The following ATP2B4 variants were observed in gnomAD, a reference collection of about 807,000 sequenced individuals.
ATP2B4 encodes ATPase plasma membrane Ca2+ transporting 4.
Under a neutral mutation model 110.3 loss-of-function variants are expected in ATP2B4, and 39 were observed. That is an observed-to-expected ratio of 0.35 (90% CI 0.27 to 0.46). The LOEUF (loss-of-function observed/expected upper bound fraction) is 0.46, where lower values mean the gene tolerates loss of function less well. Ranked by LOEUF, ATP2B4 falls within the 20% of genes least tolerant of loss-of-function variation. The pLI is 1.00. For synonymous variants in ATP2B4, 538 were observed against 571.7 expected (o/e 0.94, Z 0.84); for missense variants, 1,135 against 1,530.9 (o/e 0.74, Z 4.32).
At chr1:203,650,626 C>A (rs937971145) in intron 1 of ATP2B4, among the ~76,000 whole-genome samples, 1 of 152,194 alleles carries the variant, frequency 6.6e-6, no homozygotes, top group Non-Finnish European at 1.5e-5. Context: ...AGCTGCAGGT[C>A]CGAACTCGGC....
intron 1 of ATP2B4, chr1:203,657,809 C>G (rs763251154): frequency 2.0e-4 from 107 of 546,784 alleles, no homozygotes; most frequent in Non-Finnish European, 3.2e-4. Flanking sequence ...TGCGAAAACA[C>G]TCTCAATTTT....
chr1:203,642,121 G>C (rs945081636), intron 1 of ATP2B4, among the ~76,000 whole-genome samples: 1 of 151,636 alleles, frequency 6.6e-6, no homozygotes, highest in Non-Finnish European at 1.5e-5. Flanking sequence ...TCACTTTTTC[G>C]CCCAGGCTGG....
At chr1:203,685,440 G>A (rs6658130) in intron 2 of ATP2B4, among the ~76,000 whole-genome samples, 126,754 of 152,248 alleles carry the variant, frequency 0.83, 53,592 homozygotes, top group East Asian at 1. Flanking sequence ...TCCTATTTCT[G>A]AATCTTCCTC....
chr1:203,683,184 GGGCTT>G lies in ATP2B4; in HGVS notation c.-19_-15del. On this transcript the variant is annotated 5_prime_UTR_variant, in exon 2 of 21. Coordinates refer to ENST00000357681, the MANE Select transcript of ATP2B4 (RefSeq NM_001684.5). ...AAACGCTACATCTTCTCTGGTTGAG[GGGCTT>G]GGTAACAGCAGGCAAAATGACGAAC... The G allele has an allele frequency of 6.2e-7, 1 of 1,607,966 alleles. No homozygotes were observed. Among genetic ancestry groups the G allele is most frequent in the Non-Finnish European group, 8.5e-7 (1 of 1,176,252 alleles).
intron 1 of ATP2B4, among the ~76,000 whole-genome samples, chr1:203,656,504 T>C (rs377505810): frequency 3.2e-4 from 49 of 152,236 alleles, no homozygotes; most frequent in African/African-American, 1.1e-3. Context: ...AAGATTTCTC[T>C]AAGAGTTCTG....
rs914698049 is a variant in ATP2B4, at chr1:203,699,447, C to T, written c.392-13C>T. ...AGCCCTTCAGTGACTATTTCTCTCC[C>T]TTCCTGGGATAGTGTGTGGTCAAGT... On this transcript the variant is annotated splice_polypyrimidine_tract_variant and intron_variant, in intron 3 of 20. Coordinates refer to ENST00000357681, the MANE Select transcript of ATP2B4 (RefSeq NM_001684.5). The T allele has an allele frequency of 7.4e-6, 12 of 1,613,526 alleles. No homozygotes were observed. The highest frequency in any genetic ancestry group is 2.7e-5 in the African/African-American group (2 of 74,890).
chr1:203,692,123 G>A (rs957611855), intron 2 of ATP2B4, among the ~76,000 whole-genome samples: 8 of 151,150 alleles, frequency 5.3e-5, no homozygotes, highest in East Asian at 3.9e-4. Context: ...CTCATGATCC[G>A]CCCGCCTCGG....
chr1:203,657,952 C>G (rs916275848), intron 1 of ATP2B4, among the ~76,000 whole-genome samples: 1 of 152,022 alleles, frequency 6.6e-6, no homozygotes, highest in Non-Finnish European at 1.5e-5. Context: ...GATCCGCCCC[C>G]CTCAACCTCC....
chr1:203,634,822 C>G (rs1386920707), intron 1 of ATP2B4, among the ~76,000 whole-genome samples: 1 of 151,964 alleles, frequency 6.6e-6, no homozygotes, highest in Non-Finnish European at 1.5e-5. Flanking sequence ...TGCTATCATG[C>G]CTGGCTAATT....
At chr1:203,665,418 C>T (rs759323981) in intron 1 of ATP2B4, among the ~76,000 whole-genome samples, 7 of 152,168 alleles carry the variant, frequency 4.6e-5, no homozygotes, top group Admixed American at 6.5e-5. Flanking sequence ...GGCTAGCAGG[C>T]GTGGGAGATG....
chr1:203,628,579 G>GC (rs1663161694), intron 1 of ATP2B4, among the ~76,000 whole-genome samples: 1 of 152,222 alleles, frequency 6.6e-6, no homozygotes, highest in African/African-American at 2.4e-5. Flanking sequence ...ATTCTGCAGC[G>GC]CCCCCCTCCT....
chr1:203,739,082 A>G (rs1355039227), intron 20 of ATP2B4, among the ~76,000 whole-genome samples: 1 of 152,206 alleles, frequency 6.6e-6, no homozygotes, highest in South Asian at 2.1e-4. Context: ...CTAAACCTCA[A>G]TGCATAATTT....
rs767252454 is a variant in ATP2B4, at chr1:203,712,128, G to A, written c.2200G>A (p.Glu734Lys). The change falls in exon 13 of 21, where the codon GAG becomes AAG. Residue 734 changes from glutamate (E) to lysine (K), a missense_variant. Transcript: ENST00000357681. ...AGAATTCAACCGGCTCATCCGCAAC[G>A]AGAAAGGCGAGGTGGGTCCTGGCTA... ...GKEFNRLIRN[E>K]KGEVEQEKLD... The A allele has an allele frequency of 1.7e-5, 28 of 1,613,786 alleles. No individual in the cohort carries two copies. The Middle Eastern group carries it at 5.0e-4, about 29-fold the overall frequency.
At position 203,637,441 on chromosome 1, in the gene ATP2B4, A is replaced by G. The variant is rs565697319; in HGVS notation, c.-465+10222A>G. Among the ~76,000 whole-genome samples, 159 of 151,830 alleles carry G rather than the reference A, an allele frequency of 1.0e-3. 1 individual carries two copies. Among genetic ancestry groups the G allele is most frequent in the African/African-American group, 3.4e-3 (143 of 41,472 alleles). On this transcript the variant is annotated intron_variant, in intron 1 of 20. Transcript: ENST00000357681. ...ACAGAGCAAGACTCTGTCTCAAAAA[A>G]AAAAAAAAAAAAAGCCAATATACAA...
intron 2 of ATP2B4, among the ~76,000 whole-genome samples, chr1:203,689,248 A>T (rs1475173958): frequency 6.6e-6 from 1 of 152,182 alleles, no homozygotes; most frequent in Non-Finnish European, 1.5e-5. Flanking sequence ...TATTTTCCTT[A>T]GTCTCAATAC....
chr1:203,729,268 C>T lies in ATP2B4; in HGVS notation c.3309+1697C>T, dbSNP rs192330892. On this transcript the variant is annotated intron_variant, in intron 20 of 20. Transcript: ENST00000357681. ...ACAAATAGAAAAGTGGAAAAGAGGC[C>T]GGGTGCGGTGGCTCACGCCTGTAAT... Among the ~76,000 whole-genome samples, 11 of 151,958 alleles carry T rather than the reference C, an allele frequency of 7.2e-5. No homozygotes were observed. The East Asian group carries it at 1.9e-3, about 27-fold the overall frequency.
rs533405354 is a variant in ATP2B4 at position 203,707,734 on chromosome 1, A to G, written c.1315-128A>G. 7 of 1,256,126 alleles carry G rather than the reference A, an allele frequency of 5.6e-6. No homozygotes were observed. The Admixed American group carries it at 7.7e-5, about 14-fold the overall frequency. 77.8% of individuals were successfully genotyped at this position (1,256,126 alleles called of 1,614,324 possible). A position where few individuals can be genotyped will look rare whatever the true frequency, so the allele number is the denominator to read the frequency against. On this transcript the variant is annotated intron_variant, in intron 9 of 20. Transcript: ENST00000357681. ...GCATGAATCACTGCACCCAGTCAGTATCTTGGATTTTTGTGTGGGACTGGA... is the reference window on the plus strand; with the variant it reads ...GCATGAATCACTGCACCCAGTCAGTGTCTTGGATTTTTGTGTGGGACTGGA...
In ATP2B4 at chr1:203,700,915, A is replaced by T. The variant is rs1665672304; in HGVS notation, c.893A>T (p.Lys298Met). The change falls in exon 6 of 21, where the codon AAG becomes ATG. Residue 298 changes from lysine to methionine, a missense_variant. Around this residue, in one of 9 missense-constraint regions of ATP2B4, gnomAD observed 162 missense variants for 210.5 expected, o/e 0.77. Coordinates refer to ENST00000357681, the MANE Select transcript of ATP2B4 (RefSeq NM_001684.5). ...GVNEDDEGEK[K>M]KKGKKQGVPE... ...AATGAGGATGACGAAGGGGAGAAAA[A>T]GAAGAAAGGTAAGGGGCATCTGGAA... The T allele has an allele frequency of 1.9e-6, 3 of 1,612,702 alleles. No homozygotes were observed. The highest frequency in any genetic ancestry group is 1.7e-6 in the Non-Finnish European group (2 of 1,179,082).
At chr1:203,636,463 G>C (rs532588939) in intron 1 of ATP2B4, among the ~76,000 whole-genome samples, 10 of 152,084 alleles carry the variant, frequency 6.6e-5, no homozygotes, top group African/African-American at 2.4e-4. Context: ...CTCTTTTTAC[G>C]TAGGCTCATG....
Sources: allele counts gnomAD v4.1 joint callset (sites outside exome capture counted in the v4.1 genomes callset), GRCh38; gene constraint gnomAD v4.1.1; regional missense constraint gnomAD v4.1.1; transcripts MANE v1.5; gene names NCBI Gene and HGNC (gene_info 2026-07-23, HGNC 2026-07-21).